Variants in TCERG1L observed in about 807,000 individuals in gnomAD.
TCERG1L encodes transcription elongation regulator 1 like, also known as transcription elongation regulator 1-like protein.
Under a neutral mutation model 56.3 loss-of-function variants are expected in TCERG1L, and 37 were observed. The observed-to-expected ratio is 0.66, with a 90% CI of 0.51 to 0.87. The LOEUF (loss-of-function observed/expected upper bound fraction) is 0.87, where lower values mean the gene tolerates loss of function less well. Among genes scored for constraint, TCERG1L ranks in the 40% least tolerant of loss-of-function variants. The probability of loss-of-function intolerance (pLI) is 0.00; values close to 1 mark genes in which losing one functional copy is unlikely to be tolerated. For missense variants in TCERG1L, 799 were observed against 774.2 expected (o/e 1.03, Z -0.38); for synonymous variants, 324 against 326.3 (o/e 0.99, Z 0.08).
chr10:131,108,068 C>T lies in TCERG1L; in HGVS notation c.1396-3714G>A, dbSNP rs147722387. 8.4e-3 allele frequency among the ~76,000 whole-genome samples: 1,281 copies of T among 152,172 alleles called. 8 individuals carry two copies. Among genetic ancestry groups the T allele is most frequent in the Non-Finnish European group, 0.012 (825 of 68,022 alleles). ...GAAAGCCCGTCAACTGAGTAGACAG[C>T]AAGCTGCCTATCTCTTTTAAGTCCG... On this transcript the variant is annotated intron_variant, in intron 9 of 11. Coordinates refer to ENST00000368642, the MANE Select transcript of TCERG1L (RefSeq NM_174937.4).
chr10:131,301,290 T>C (rs1846760008), intron 3 of TCERG1L, among the ~76,000 whole-genome samples: 1 of 152,058 alleles, frequency 6.6e-6, no homozygotes, highest in South Asian at 2.1e-4. Flanking sequence ...AAGATCCTTC[T>C]TTCTCACCTC....
At chr10:131,169,380 G>A (rs116781523) in intron 4 of TCERG1L, among the ~76,000 whole-genome samples, 1,674 of 152,192 alleles carry the variant, frequency 0.011, 31 homozygotes, top group African/African-American at 0.038. Flanking sequence ...GGCACAAGGG[G>A]GCACACAAAG....
chr10:131,210,931 G>A (rs893948118), intron 4 of TCERG1L, among the ~76,000 whole-genome samples: 4 of 152,064 alleles, frequency 2.6e-5, no homozygotes, highest in African/African-American at 7.2e-5. Flanking sequence ...CTATTTCATC[G>A]TTTTCCTCCA....
intron 3 of TCERG1L, among the ~76,000 whole-genome samples, chr10:131,269,195 T>TTTGTTTGC (rs1846314130): frequency 6.6e-6 from 1 of 152,216 alleles, no homozygotes; most frequent in Non-Finnish European, 1.5e-5. Flanking sequence ...TGTTTGTTTG[T>TTTGTTTGC]TTGTTTTTTC....
chr10:131,204,016 G>C (rs768198877), intron 4 of TCERG1L, among the ~76,000 whole-genome samples: 5 of 152,248 alleles, frequency 3.3e-5, no homozygotes, highest in Non-Finnish European at 5.9e-5. Context: ...TAGGAGATGT[G>C]AAGTGATGAG....
intron 3 of TCERG1L, among the ~76,000 whole-genome samples, chr10:131,273,565 A>G (rs1846362034): frequency 1.3e-5 from 2 of 152,216 alleles, no homozygotes; most frequent in Non-Finnish European, 2.9e-5. Flanking sequence ...GCTGACCCCA[A>G]TGGTGGGCCT....
intron 9 of TCERG1L, among the ~76,000 whole-genome samples, chr10:131,107,749 A>T (rs751713516): frequency 6.6e-6 from 1 of 152,094 alleles, no homozygotes; most frequent in Non-Finnish European, 1.5e-5. Context: ...ACACACACAC[A>T]TAAGCACACA....
rs761486676 is a variant in TCERG1L, at chr10:131,109,074, G to T, written c.1396-4720C>A. Among the ~76,000 whole-genome samples, 9 of 143,592 alleles carry T rather than the reference G, an allele frequency of 6.3e-5. 1 individual carries two copies. The highest frequency in any genetic ancestry group is 6.0e-4 in the Admixed American group (9 of 14,984). The allele number at this position is 143,592 out of a possible 152,430, so 94.2% of individuals were successfully genotyped here. On this transcript the variant is annotated intron_variant, in intron 9 of 11. Coordinates refer to ENST00000368642, the MANE Select transcript of TCERG1L (RefSeq NM_174937.4). ...CAGGATGAGCACAGTGTTGTGGGGTGGGGGGGGTGGAGGGTGGTGCTTAGA... is the reference window on the plus strand; with the variant it reads ...CAGGATGAGCACAGTGTTGTGGGGTTGGGGGGGTGGAGGGTGGTGCTTAGA...
chr10:131,244,122 G>A (rs897985759), intron 4 of TCERG1L, among the ~76,000 whole-genome samples: 3 of 152,298 alleles, frequency 2.0e-5, no homozygotes, highest in East Asian at 3.9e-4. Context: ...AAGTTAACTC[G>A]CAAAAACGCA....
At chr10:131,102,562 T>C (rs1845314269) in intron 10 of TCERG1L, among the ~76,000 whole-genome samples, 1 of 152,214 alleles carries the variant, frequency 6.6e-6, no homozygotes, top group African/African-American at 2.4e-5. Context: ...ACTCTGCTGG[T>C]GTGAGAAATC....
At chr10:131,291,484 T>G (rs1846625681) in intron 3 of TCERG1L, among the ~76,000 whole-genome samples, 2 of 130,992 alleles carry the variant, frequency 1.5e-5, no homozygotes, top group South Asian at 5.4e-4. Flanking sequence ...TGGAGTGCAG[T>G]GGCGTGATCT....
chr10:131,284,813 ATAGCT>A (rs1282679726), intron 3 of TCERG1L, among the ~76,000 whole-genome samples: 1 of 152,210 alleles, frequency 6.6e-6, no homozygotes, highest in Non-Finnish European at 1.5e-5. Flanking sequence ...GAAGAAAAAT[ATAGCT>A]TATGAACCCT....
intron 4 of TCERG1L, among the ~76,000 whole-genome samples, chr10:131,174,278 C>A (rs1345880551): frequency 2.0e-5 from 3 of 152,194 alleles, no homozygotes; most frequent in Non-Finnish European, 2.9e-5. Flanking sequence ...GCACCACACC[C>A]CAGCACACAG....
At chr10:131,184,554 A>C (rs1391443409) in intron 4 of TCERG1L, among the ~76,000 whole-genome samples, 1 of 152,232 alleles carries the variant, frequency 6.6e-6, no homozygotes, top group Non-Finnish European at 1.5e-5. Context: ...CCAGTCAGCG[A>C]GGGATCCCAC....
intron 4 of TCERG1L, among the ~76,000 whole-genome samples, chr10:131,233,845 G>A (rs913623771): frequency 4.6e-5 from 7 of 152,132 alleles, no homozygotes; most frequent in Non-Finnish European, 8.8e-5. Context: ...TCAGAGGGGT[G>A]GATCCCTCAT....
At chr10:131,211,178 C>T (rs1012195510) in intron 4 of TCERG1L, among the ~76,000 whole-genome samples, 1 of 152,200 alleles carries the variant, frequency 6.6e-6, no homozygotes. Context: ...TGGCTCGGCC[C>T]TCCCTGCTGG....
chr10:131,162,966 C>T, intron 6 of TCERG1L, 156 bp downstream of exon 6: 2 of 551,936 alleles, frequency 3.6e-6, no homozygotes, highest in Non-Finnish European at 6.3e-6. Flanking sequence ...AGAATGTGAC[C>T]ACAGTGCAGA....
At position 131,114,092 on chromosome 10, in the gene TCERG1L, C is replaced by T. The variant is rs115301994; in HGVS notation, c.1395+2707G>A. On this transcript the variant is annotated intron_variant, in intron 9 of 11. Transcript: ENST00000368642. Reference sequence around the variant, plus strand: ...TCCCGCTGCCCCAGGGCACAATCCCCGTGGCAGGGCCCAAACTCTGCCCTT... The same window carrying T: ...TCCCGCTGCCCCAGGGCACAATCCCTGTGGCAGGGCCCAAACTCTGCCCTT... Among the ~76,000 whole-genome samples the T allele has an allele frequency of 2.6e-3, 370 of 142,492 alleles. 31 individuals are homozygous for T. The highest frequency in any genetic ancestry group is 8.6e-3 in the African/African-American group (347 of 40,472). 93.5% of individuals were successfully genotyped at this position (142,492 alleles called of 152,430 possible). A position where few individuals can be genotyped will look rare whatever the true frequency, so the allele number is the denominator to read the frequency against.
rs573858800 is a variant in TCERG1L at position 131,157,604 on chromosome 10, G to A, written c.1034+5518C>T. On this transcript the variant is annotated intron_variant, in intron 6 of 11. Transcript: ENST00000368642. ...AAGCCAAATTACAAAAAAAAAAGACGATACAGAAATTCCGAAGGAGACTAA... is the reference window on the plus strand; with the variant it reads ...AAGCCAAATTACAAAAAAAAAAGACAATACAGAAATTCCGAAGGAGACTAA... Among the ~76,000 whole-genome samples, 363 of 151,552 alleles carry A rather than the reference G, an allele frequency of 2.4e-3. 2 individuals carry two copies. In the South Asian group the frequency reaches 0.028, roughly 12 times the overall value.
Sources: gnomAD v4.1 joint callset for allele counts (sites outside exome capture counted in the v4.1 genomes callset) on GRCh38, gnomAD v4.1.1 for gene constraint, MANE v1.5 for transcripts, NCBI Gene and HGNC (gene_info 2026-07-23, HGNC 2026-07-21) for gene names.